Variants in ADAM12 observed in about 807,000 individuals in gnomAD.
ADAM12 encodes the protein disintegrin and metalloproteinase domain-containing protein 12.
In ADAM12, 70 loss-of-function variants were observed where a neutral mutation model predicts 106.4. The observed-to-expected ratio is 0.66, with a 90% CI of 0.54 to 0.80. The LOEUF is 0.80. ADAM12 is among the 30% of genes least tolerant of loss of function. The pLI is 0.00. For synonymous variants in ADAM12, 420 were observed against 433.5 expected (o/e 0.97, Z 0.39); for missense variants, 1,010 against 1,171.9 (o/e 0.86, Z 2.02).
At chr10:126,260,468 C>A (rs1008597291) in intron 3 of ADAM12, among the ~76,000 whole-genome samples, 1 of 152,192 alleles carries the variant, frequency 6.6e-6, no homozygotes, top group Non-Finnish European at 1.5e-5. Flanking sequence ...TGCTCTTCAT[C>A]TGCTTCTTAT....
At chr10:126,051,668 T>TCCAGCCAG (rs1171688733) in intron 14 of ADAM12, among the ~76,000 whole-genome samples, 4 of 151,418 alleles carry the variant, frequency 2.6e-5, no homozygotes, top group African/African-American at 9.7e-5. Context: ...CACCCATCCA[T>TCCAGCCAG]CCAGCCAGCC....
chr10:126,062,621 G>A (rs1954781476), intron 14 of ADAM12, among the ~76,000 whole-genome samples: 1 of 152,164 alleles, frequency 6.6e-6, no homozygotes, highest in Admixed American at 6.5e-5. Flanking sequence ...ATGAATCAGA[G>A]GCACACAGCC....
intron 1 of ADAM12, among the ~76,000 whole-genome samples, chr10:126,356,714 G>A (rs1188621229): frequency 6.6e-6 from 1 of 152,116 alleles, no homozygotes; most frequent in Non-Finnish European, 1.5e-5. Flanking sequence ...TAAACTATAT[G>A]ATACTACAGA....
chr10:126,356,242 C>T (rs549351137), intron 1 of ADAM12, among the ~76,000 whole-genome samples: 50 of 152,176 alleles, frequency 3.3e-4, no homozygotes, highest in Admixed American at 9.8e-4. Flanking sequence ...AAAAGTACCA[C>T]CTGGTGAAGG....
At chr10:126,017,432 G>A (rs1235646388) in intron 22 of ADAM12, 93 bp from the exon 23 acceptor site, 1 of 1,242,088 alleles carries the variant, frequency 8.1e-7, no homozygotes, top group Non-Finnish European at 1.1e-6. Context: ...TATTCTGATA[G>A]TCTGAAGGGT....
At chr10:126,330,064 A>G (rs1200774442) in intron 2 of ADAM12, among the ~76,000 whole-genome samples, 3 of 152,240 alleles carry the variant, frequency 2.0e-5, no homozygotes, top group Non-Finnish European at 4.4e-5. Context: ...TCTAGCAATA[A>G]TCAATTCGAG....
intron 2 of ADAM12, among the ~76,000 whole-genome samples, chr10:126,312,804 T>C (rs946649510): frequency 1.3e-5 from 2 of 152,270 alleles, no homozygotes; most frequent in South Asian, 2.1e-4. Context: ...CATCAGCACA[T>C]CTCAGGCGCT....
intron 2 of ADAM12, among the ~76,000 whole-genome samples, chr10:126,292,005 G>T (rs1281696056): frequency 8.6e-5 from 13 of 151,130 alleles, no homozygotes; most frequent in Admixed American, 2.6e-4. Flanking sequence ...TGAAACATTA[G>T]AAAAATCAGC....
chr10:126,306,501 C>A (rs1399854124), intron 2 of ADAM12, among the ~76,000 whole-genome samples: 2 of 152,140 alleles, frequency 1.3e-5, no homozygotes, highest in Non-Finnish European at 2.9e-5. Flanking sequence ...ATGCTTCTAT[C>A]TGGCATCGTT....
chr10:126,109,729 T>A, intron 7 of ADAM12, 46 bp downstream of exon 7: 8 of 1,562,250 alleles, frequency 5.1e-6, no homozygotes, highest in Non-Finnish European at 7.0e-6. Context: ...TCCTTTTTTC[T>A]TTTATCTCTA....
intron 21 of ADAM12, among the ~76,000 whole-genome samples, chr10:126,026,044 G>C (rs1047488086): frequency 2.0e-5 from 3 of 151,930 alleles, no homozygotes; most frequent in African/African-American, 7.3e-5. Flanking sequence ...TTTCATATCT[G>C]GCCCAATATC....
intron 3 of ADAM12, among the ~76,000 whole-genome samples, chr10:126,201,148 A>G (rs901505167): frequency 1.3e-5 from 2 of 152,164 alleles, no homozygotes; most frequent in Admixed American, 1.3e-4. Context: ...GGATAACATG[A>G]TGTGTGCCGT....
chr10:126,178,458 A>G (rs1174032138), intron 3 of ADAM12, among the ~76,000 whole-genome samples: 1 of 99,870 alleles, frequency 1.0e-5, no homozygotes, highest in Non-Finnish European at 2.0e-5. Context: ...AGATAGTTTT[A>G]TAAGTAGCAA....
At chr10:126,332,578 T>G (rs1310062698) in intron 1 of ADAM12, among the ~76,000 whole-genome samples, 1 of 152,148 alleles carries the variant, frequency 6.6e-6, no homozygotes, top group Non-Finnish European at 1.5e-5. Flanking sequence ...CTGGGGATGG[T>G]ATTTCTGAAG....
chr10:126,353,319 C>T (rs1006517240), intron 1 of ADAM12, among the ~76,000 whole-genome samples: 8 of 152,088 alleles, frequency 5.3e-5, no homozygotes, highest in African/African-American at 1.2e-4. Flanking sequence ...AAAGATGTTA[C>T]GGTACAAGTG....
chr10:126,296,143 C>G (rs1960370552), intron 2 of ADAM12, among the ~76,000 whole-genome samples: 1 of 152,134 alleles, frequency 6.6e-6, no homozygotes, highest in Admixed American at 6.5e-5. Context: ...TGGTAGGTAA[C>G]TGCCTGTTCC....
At chr10:126,144,443 T>C (rs1388338606) in intron 4 of ADAM12, among the ~76,000 whole-genome samples, 2 of 152,150 alleles carry the variant, frequency 1.3e-5, no homozygotes, top group African/African-American at 4.8e-5. Context: ...CACTTGCTAT[T>C]TTCTTCCACA....
intron 4 of ADAM12, among the ~76,000 whole-genome samples, chr10:126,148,930 C>A (rs1488372681): frequency 6.6e-6 from 1 of 152,150 alleles, no homozygotes; most frequent in Non-Finnish European, 1.5e-5. Flanking sequence ...CTAGAGGACT[C>A]CATGGAGGGA....
rs971337786 is a variant in ADAM12, at chr10:126,041,412, T to C, written c.2104+1628A>G. The stretch of plus-strand genomic sequence containing the variant: ...ATGGAGTTAGGCTCTTACATTGTTT[T>C]CACTTTTTAACATTCTTACTTGTTA... On this transcript the variant is annotated intron_variant, in intron 18 of 22. Coordinates refer to ENST00000448723, the MANE Select transcript of ADAM12 (RefSeq NM_001288973.2). 1.9e-5 allele frequency: 19 copies of C among 985,610 alleles called. No homozygotes were observed. In the African/African-American group the frequency reaches 3.3e-4, roughly 17 times the overall value. The allele number at this position is 985,610 out of a possible 1,614,324, so 61.1% of individuals were successfully genotyped here.
Sources: gnomAD v4.1 joint callset for allele counts (sites outside exome capture counted in the v4.1 genomes callset) on GRCh38, gnomAD v4.1.1 for gene constraint, MANE v1.5 for transcripts, NCBI Gene and HGNC (gene_info 2026-07-23, HGNC 2026-07-21) for gene names.